Variants in CHN2 observed in about 807,000 individuals in gnomAD.
CHN2 encodes the protein chimerin 2, also known as beta-chimaerin.
A neutral mutation model predicts 56.3 loss-of-function variants in CHN2; 35 were observed. That is an observed-to-expected ratio of 0.62 (90% CI 0.47 to 0.82). The LOEUF is 0.82. Among genes scored for constraint, CHN2 ranks in the 40% least tolerant of loss-of-function variants. The pLI is 0.00. For synonymous variants in CHN2, 210 were observed against 212.8 expected, an observed-to-expected ratio of 0.99 and a Z score of 0.12; for missense variants, 491 against 580.5, an observed-to-expected ratio of 0.85 and a Z score of 1.58.
At chr7:29,193,201 G>A (rs1043561393), upstream of CHN2, 4 of 152,022 alleles carry the variant, frequency 2.6e-5, no homozygotes, top group African/African-American at 9.7e-5. Context: ...TTAGCAAGGT[G>A]TATTTTTAAA....
intron 2 of CHN2, among the ~76,000 whole-genome samples, chr7:29,174,291 G>A (rs563902589): frequency 1.1e-4 from 16 of 152,182 alleles, no homozygotes; most frequent in African/African-American, 1.7e-4. Flanking sequence ...CAGCAATCCC[G>A]TCTTTCCATA....
chr7:29,175,941 C>A (rs1797261288), intron 2 of CHN2, among the ~76,000 whole-genome samples: 1 of 152,078 alleles, frequency 6.6e-6, no homozygotes, highest in Admixed American at 6.5e-5. Flanking sequence ...AATCCCAGCA[C>A]TTTGGGAGGC....
chr7:29,273,891 A>G lies in CHN2; in HGVS notation c.49+78901A>G, dbSNP rs573527195. The stretch of plus-strand genomic sequence containing the variant: ...TGTGTTTGAGAGAGAATAAGAGTGA[A>G]CAAGTTAAATAATGTCTCAATATCT... On this transcript the variant is annotated intron_variant, in intron 1 of 12. Coordinates refer to ENST00000222792, the MANE Select transcript of CHN2 (RefSeq NM_004067.4). 6.6e-5 allele frequency among the ~76,000 whole-genome samples: 10 copies of G among 152,258 alleles called. 1 individual carries two copies. In the South Asian group the frequency reaches 2.1e-3, roughly 32 times the overall value.
intron 1 of CHN2, among the ~76,000 whole-genome samples, chr7:29,246,239 C>T (rs564695459): frequency 6.6e-6 from 1 of 152,258 alleles, no homozygotes; most frequent in African/African-American, 2.4e-5. Context: ...TACTTCTTGT[C>T]TCAGGCAGAA....
intron 6 of CHN2, among the ~76,000 whole-genome samples, chr7:29,411,046 A>G (rs929579500): frequency 6.6e-6 from 1 of 152,166 alleles, no homozygotes; most frequent in Non-Finnish European, 1.5e-5. Context: ...TCAAATAAAC[A>G]TTTCTCTATC....
intron 6 of CHN2, among the ~76,000 whole-genome samples, chr7:29,474,286 C>T: frequency 6.6e-6 from 1 of 152,088 alleles, no homozygotes. Flanking sequence ...TAACTTTTCC[C>T]CTATATTGAC....
At chr7:29,354,463 TC>T (rs1798130920) in intron 1 of CHN2, among the ~76,000 whole-genome samples, 161 bp from the exon 2 acceptor site, 1 of 152,050 alleles carries the variant, frequency 6.6e-6, no homozygotes, top group Non-Finnish European at 1.5e-5. Context: ...TCCATGCACA[TC>T]CCCTCCCCTG....
At chr7:29,253,974 G>A (rs186241904) in intron 1 of CHN2, among the ~76,000 whole-genome samples, 18 of 152,012 alleles carry the variant, frequency 1.2e-4, no homozygotes, top group African/African-American at 4.3e-4. Context: ...GCATGATCTC[G>A]GCTCACTGCA....
At chr7:29,467,614 G>C (rs892624424) in intron 6 of CHN2, among the ~76,000 whole-genome samples, 5 of 152,316 alleles carry the variant, frequency 3.3e-5, no homozygotes, top group Admixed American at 3.3e-4. Context: ...ATGAAGTCCA[G>C]GGTTCTTAGG....
chr7:29,240,444 G>A (rs1787562342), intron 1 of CHN2, among the ~76,000 whole-genome samples: 1 of 152,206 alleles, frequency 6.6e-6, no homozygotes. Flanking sequence ...GAAAAAGATT[G>A]CAAAATCATA....
At chr7:29,338,556 T>G (rs1295826352) in intron 1 of CHN2, among the ~76,000 whole-genome samples, 1 of 152,198 alleles carries the variant, frequency 6.6e-6, no homozygotes, top group Non-Finnish European at 1.5e-5. Flanking sequence ...TAATAATACC[T>G]GTTTTATAAG....
At chr7:29,429,451 T>A (rs1004078529) in intron 6 of CHN2, among the ~76,000 whole-genome samples, 1 of 152,210 alleles carries the variant, frequency 6.6e-6, no homozygotes, top group Non-Finnish European at 1.5e-5. Context: ...TTGTTTTTGG[T>A]TCGCTTTGAT....
chr7:29,258,957 G>A (rs1789306963), intron 1 of CHN2, among the ~76,000 whole-genome samples: 2 of 151,178 alleles, frequency 1.3e-5, no homozygotes, highest in Admixed American at 6.6e-5. Flanking sequence ...AACACCAAAT[G>A]TCCAGCAATA....
chr7:29,509,594 C>G (rs1791036894), intron 12 of CHN2, 188 bp downstream of exon 12: 1 of 472,874 alleles, frequency 2.1e-6, no homozygotes, highest in Non-Finnish European at 3.9e-6. Context: ...CCTGTAATCC[C>G]AGCACTTTGG....
intron 8 of CHN2, among the ~76,000 whole-genome samples, chr7:29,497,503 A>T (rs909755957): frequency 1.3e-5 from 2 of 150,326 alleles, no homozygotes; most frequent in African/African-American, 2.4e-5. Flanking sequence ...TTTTTTTTTT[A>T]AATAAGACAT....
chr7:29,324,403 C>T (rs1365058884), intron 1 of CHN2, among the ~76,000 whole-genome samples: 1 of 152,168 alleles, frequency 6.6e-6, no homozygotes, highest in Non-Finnish European at 1.5e-5. Context: ...AAATGTCTCT[C>T]AAAGTCCGCT....
intron 6 of CHN2, among the ~76,000 whole-genome samples, chr7:29,456,086 A>G (rs1360062690): frequency 6.6e-6 from 1 of 152,172 alleles, no homozygotes; most frequent in Non-Finnish European, 1.5e-5. Context: ...CTTGTCCCTA[A>G]ATATGTCTCA....
intron 1 of CHN2, among the ~76,000 whole-genome samples, chr7:29,308,919 T>C (rs1257280749): frequency 1.3e-5 from 2 of 152,152 alleles, no homozygotes; most frequent in African/African-American, 4.8e-5. Flanking sequence ...ACCAGAAGGG[T>C]GTGAGGATAG....
chr7:29,326,305 G>T (rs1319845786), intron 1 of CHN2, among the ~76,000 whole-genome samples: 1 of 152,058 alleles, frequency 6.6e-6, no homozygotes, highest in Non-Finnish European at 1.5e-5. Flanking sequence ...CTACAGGTGA[G>T]TGCCACCATG....
Sources: allele counts gnomAD v4.1 joint callset (sites outside exome capture counted in the v4.1 genomes callset), GRCh38; gene constraint gnomAD v4.1.1; transcripts MANE v1.5; gene names NCBI Gene and HGNC (gene_info 2026-07-23, HGNC 2026-07-21).